The following SLC7A14 variants were observed in gnomAD, a reference collection of about 807,000 sequenced individuals.
The protein encoded by SLC7A14 is solute carrier family 7 member 14.
Under a neutral mutation model 60.2 loss-of-function variants are expected in SLC7A14, and 37 were observed. That is an observed-to-expected ratio of 0.61 (90% confidence interval 0.47 to 0.81). SLC7A14 has a LOEUF of 0.81. Among genes scored for constraint, SLC7A14 ranks in the 30% least tolerant of loss-of-function variants. The probability of loss-of-function intolerance (pLI) is 0.00; values close to 1 mark genes in which losing one functional copy is unlikely to be tolerated. For synonymous variants in SLC7A14, 399 were observed against 395.8 expected (o/e 1.01, Z -0.10); for missense variants, 886 against 982.7 (o/e 0.90, Z 1.32).
chr3:170,511,471 A>G (rs1712978090), intron 2 of SLC7A14, among the ~76,000 whole-genome samples: 1 of 152,174 alleles, frequency 6.6e-6, no homozygotes, highest in South Asian at 2.1e-4. Flanking sequence ...CAATTCATTG[A>G]CCCTGTTTCC....
chr3:170,510,205 C>T (rs766208703), intron 2 of SLC7A14, among the ~76,000 whole-genome samples: 6 of 151,402 alleles, frequency 4.0e-5, no homozygotes, highest in Non-Finnish European at 7.4e-5. Context: ...GCCTGGCCAA[C>T]GTGGTGAAAC....
In SLC7A14 at chr3:170,551,748, T is replaced by C. The variant is rs115556984; in HGVS notation, c.-152-24660A>G. Among the ~76,000 whole-genome samples the C allele has an allele frequency of 2.2e-3, 330 of 152,324 alleles. 2 individuals are homozygous for C. Among genetic ancestry groups the C allele is most frequent in the African/African-American group, 7.5e-3 (313 of 41,572 alleles). On this transcript the variant is annotated intron_variant, in intron 1 of 7. Transcript: ENST00000231706. ...TAAAAATGGGTTATTTCTCTTTTTA[T>C]TGTTGAGTCATAAGATTCTTTATAT...
In SLC7A14 at chr3:170,466,793, C is replaced by T; in HGVS notation, c.*262G>A. On this transcript the variant is annotated 3_prime_UTR_variant, in exon 8 of 8. Coordinates refer to ENST00000231706, the MANE Select transcript of SLC7A14 (RefSeq NM_020949.3). ...TTGGTACCATCAGCTCTGGTGGTTGCACCTAAGATGGAATTTCATATAGCC... is the reference window on the plus strand; with the variant it reads ...TTGGTACCATCAGCTCTGGTGGTTGTACCTAAGATGGAATTTCATATAGCC... 2.6e-6 allele frequency: 1 copy of T among 384,152 alleles called. No individual in the cohort carries two copies. Among genetic ancestry groups the T allele is most frequent in the Non-Finnish European group, 4.7e-6 (1 of 214,576 alleles). The allele number at this position is 384,152 out of a possible 1,614,324, so 23.8% of individuals were successfully genotyped here. A position where few individuals can be genotyped will look rare whatever the true frequency, so the allele number is the denominator to read the frequency against.
chr3:170,546,975 A>G lies in SLC7A14; in HGVS notation c.-152-19887T>C, dbSNP rs138720966. Among the ~76,000 whole-genome samples the G allele has an allele frequency of 7.3e-4, 111 of 152,310 alleles. 2 individuals are homozygous for G. In the East Asian group the frequency reaches 7.5e-3, roughly 10 times the overall value. On this transcript the variant is annotated intron_variant, in intron 1 of 7. Transcript: ENST00000231706. ...CTTTTAAAAATAATAATGTCCAGCC[A>G]TATTTCCAAGAGATTTATATTGAAT... is the stretch of plus-strand genomic sequence containing the variant.
intron 1 of SLC7A14, among the ~76,000 whole-genome samples, chr3:170,539,793 A>G (rs533365976): frequency 2.1e-4 from 32 of 152,362 alleles, no homozygotes; most frequent in Middle Eastern, 6.8e-3. Flanking sequence ...TTGAAACTGC[A>G]TATAGTACTG....
chr3:170,569,193 C>T (rs1198149545), intron 1 of SLC7A14, among the ~76,000 whole-genome samples: 1 of 152,068 alleles, frequency 6.6e-6, no homozygotes, highest in African/African-American at 2.4e-5. Flanking sequence ...CCATCAATAC[C>T]TAATTTATTG....
chr3:170,557,976 AG>A (rs1229623917), intron 1 of SLC7A14, among the ~76,000 whole-genome samples: 2 of 152,192 alleles, frequency 1.3e-5, no homozygotes, highest in Non-Finnish European at 2.9e-5. Flanking sequence ...TGATTATCAA[AG>A]GGGAAATTGG....
rs961515847 is a variant in SLC7A14 at position 170,461,567 on chromosome 3, C to G, written c.*5488G>C. On this transcript the variant is annotated 3_prime_UTR_variant, in exon 8 of 8. Coordinates refer to ENST00000231706, the MANE Select transcript of SLC7A14 (RefSeq NM_020949.3). ...GTACATGAAAGGGGCTTTTTGCTACCCATCCCCATTCCCAGCGAGAAATAC... is the reference window on the plus strand; with the variant it reads ...GTACATGAAAGGGGCTTTTTGCTACGCATCCCCATTCCCAGCGAGAAATAC... 6.6e-6 allele frequency: 1 copy of G among 152,218 alleles called. No homozygotes were observed. The highest frequency in any genetic ancestry group is 2.4e-5 in the African/African-American group (1 of 41,450). 9.4% of individuals were successfully genotyped at this position (152,218 alleles called of 1,614,324 possible).
At chr3:170,574,551 G>C (rs568798461) in intron 1 of SLC7A14, among the ~76,000 whole-genome samples, 1 of 152,282 alleles carries the variant, frequency 6.6e-6, no homozygotes, top group South Asian at 2.1e-4. Flanking sequence ...TGTTTCCTAT[G>C]GTGATCACTA....
intron 4 of SLC7A14, among the ~76,000 whole-genome samples, chr3:170,489,991 T>C (rs2108274097): frequency 6.6e-6 from 1 of 152,018 alleles, no homozygotes; most frequent in East Asian, 1.9e-4. Context: ...GGTTAATGGG[T>C]ACAAAAAAAG....
intron 2 of SLC7A14, among the ~76,000 whole-genome samples, chr3:170,519,381 G>A (rs1713271894): frequency 6.6e-6 from 1 of 152,208 alleles, no homozygotes; most frequent in African/African-American, 2.4e-5. Flanking sequence ...CCATTTAGAG[G>A]ACTATACTTC....
chr3:170,557,824 A>C (rs971247059), intron 1 of SLC7A14, among the ~76,000 whole-genome samples: 1 of 152,216 alleles, frequency 6.6e-6, no homozygotes, highest in African/African-American at 2.4e-5. Context: ...AGTGTTTATT[A>C]TTATTGAGAG....
intron 2 of SLC7A14, among the ~76,000 whole-genome samples, chr3:170,508,474 G>A (rs1371399173): frequency 1.3e-5 from 2 of 152,204 alleles, no homozygotes; most frequent in Admixed American, 1.3e-4. Context: ...GGGTAGGCAG[G>A]AAGGTTGGGG....
At chr3:170,472,989 C>T (rs1711505143) in intron 7 of SLC7A14, among the ~76,000 whole-genome samples, 1 of 152,178 alleles carries the variant, frequency 6.6e-6, no homozygotes, top group Admixed American at 6.5e-5. Context: ...AAAGCACTTT[C>T]TCATCCATCA....
Position 170,523,870 on chromosome 3 carries a change from A to C in SLC7A14, c.304+2763T>G, listed in dbSNP as rs1179366815. Among the ~76,000 whole-genome samples, 6 of 152,322 alleles carry C rather than the reference A, an allele frequency of 3.9e-5. No homozygotes were observed. The East Asian group carries it at 1.2e-3, about 29-fold the overall frequency. ...AGCACTTCCTTTAGTTTAGTGACCA[A>C]CAATCATAAGAGTGAGAGGCCTGCT... On this transcript the variant is annotated intron_variant, in intron 2 of 7. Transcript: ENST00000231706.
chr3:170,478,608 A>G (rs961387775), intron 7 of SLC7A14, among the ~76,000 whole-genome samples: 6 of 152,114 alleles, frequency 3.9e-5, no homozygotes, highest in Non-Finnish European at 7.3e-5. Context: ...CTTTCTATCT[A>G]TATCTTAACT....
At chr3:170,555,804 C>T (rs1714471838) in intron 1 of SLC7A14, among the ~76,000 whole-genome samples, 1 of 152,130 alleles carries the variant, frequency 6.6e-6, no homozygotes, top group Non-Finnish European at 1.5e-5. Context: ...CATTATATAG[C>T]ACATGACTAT....
intron 1 of SLC7A14, among the ~76,000 whole-genome samples, chr3:170,570,741 A>G (rs1245694783): frequency 6.6e-6 from 1 of 152,214 alleles, no homozygotes; most frequent in Non-Finnish European, 1.5e-5. Flanking sequence ...TGCTCAGCAG[A>G]TGCCCCTATG....
Position 170,501,214 on chromosome 3 carries a change from C to T in SLC7A14, c.436G>A (p.Gly146Ser). The T allele has an allele frequency of 6.2e-7, 1 of 1,614,166 alleles. No individual in the cohort carries two copies. Among genetic ancestry groups the T allele is most frequent in the African/African-American group, 1.3e-5 (1 of 75,048 alleles). Reference protein sequence around the residue: ...GWNLILEYLIGTAAGASALSS... With the variant: ...GWNLILEYLISTAAGASALSS... ...AGAGCACTGGCTCCGGCCGCAGTGCCAATCAGGTACTCCAGGATCAGGTTC... is the reference window on the plus strand; with the variant it reads ...AGAGCACTGGCTCCGGCCGCAGTGCTAATCAGGTACTCCAGGATCAGGTTC... The change falls in exon 3 of 8, where the codon GGC becomes AGC. Residue 146 changes from glycine to serine, a missense_variant. Gly to Ser is a moderately conservative substitution (Grantham distance 56). Coordinates refer to ENST00000231706, the MANE Select transcript of SLC7A14 (RefSeq NM_020949.3).
Sources: gnomAD v4.1 joint callset for allele counts (sites outside exome capture counted in the v4.1 genomes callset) on GRCh38, gnomAD v4.1.1 for gene constraint, MANE v1.5 for transcripts, NCBI Gene and HGNC (gene_info 2026-07-23, HGNC 2026-07-21) for gene names.